The following LRFN2 variants were observed in gnomAD, a reference collection of about 807,000 sequenced individuals.
LRFN2 encodes the protein leucine-rich repeat and fibronectin type-III domain-containing protein 2.
In LRFN2, 18 loss-of-function variants were observed where a neutral mutation model predicts 37.3. The observed-to-expected ratio is 0.48, with a 90% CI of 0.33 to 0.72. The LOEUF (loss-of-function observed/expected upper bound fraction) is 0.72. Among genes scored for constraint, LRFN2 ranks in the 30% least tolerant of loss-of-function variants. LRFN2 has a pLI of 0.02. For synonymous variants in LRFN2, 556 were observed against 466.6 expected (o/e 1.19, Z -2.47); for missense variants, 1,006 against 1,060.7 (o/e 0.95, Z 0.72).
At chr6:40,412,327 TAATG>T (rs1295017725) in intron 2 of LRFN2, among the ~76,000 whole-genome samples, 3 of 152,218 alleles carry the variant, frequency 2.0e-5, no homozygotes, top group African/African-American at 7.2e-5. Flanking sequence ...CCCTTTGAGT[TAATG>T]AATTATTTAT....
At chr6:40,463,749 T>C (rs1457131035) in intron 1 of LRFN2, among the ~76,000 whole-genome samples, 1 of 138,336 alleles carries the variant, frequency 7.2e-6, no homozygotes, top group African/African-American at 2.6e-5. Context: ...CGATCACGGC[T>C]CACTGCAGCC....
At chr6:40,473,394 C>T (rs151295918) in intron 1 of LRFN2, among the ~76,000 whole-genome samples, 3 of 152,304 alleles carry the variant, frequency 2.0e-5, no homozygotes, top group African/African-American at 7.2e-5. Flanking sequence ...CAGCCATCTT[C>T]TAGCCATGTT....
intron 1 of LRFN2, among the ~76,000 whole-genome samples, chr6:40,454,587 T>C (rs1406541080): frequency 6.6e-6 from 1 of 152,102 alleles, no homozygotes; most frequent in Non-Finnish European, 1.5e-5. Flanking sequence ...CTCAGAACAA[T>C]TGCTCATTTT....
chr6:40,493,550 C>T (rs1765146213), intron 1 of LRFN2, among the ~76,000 whole-genome samples: 1 of 152,188 alleles, frequency 6.6e-6, no homozygotes, highest in African/African-American at 2.4e-5. Context: ...CTAGCACCCA[C>T]ACTACAATGG....
rs148817303 is a variant in LRFN2, at chr6:40,547,936, T to C, written c.-19+39005A>G. ...CCCCACACCTTTGTAAATAGTTTCT[T>C]TTAATATAACTCATTTGAATGTGTC... is the stretch of plus-strand genomic sequence containing the variant. On this transcript the variant is annotated intron_variant, in intron 1 of 2. Coordinates refer to ENST00000338305, the MANE Select transcript of LRFN2 (RefSeq NM_020737.3). Among the ~76,000 whole-genome samples the C allele has an allele frequency of 4.6e-3, 707 of 152,276 alleles. 2 individuals are homozygous for C. Among genetic ancestry groups the C allele is most frequent in the African/African-American group, 0.016 (648 of 41,556 alleles).
At chr6:40,444,577 G>A (rs753673963) in intron 1 of LRFN2, among the ~76,000 whole-genome samples, 23 of 152,224 alleles carry the variant, frequency 1.5e-4, no homozygotes, top group Non-Finnish European at 2.2e-4. Flanking sequence ...ACTTACAACC[G>A]GATACAGCAG....
chr6:40,443,821 G>T (rs1219575897), intron 1 of LRFN2, among the ~76,000 whole-genome samples: 2 of 152,146 alleles, frequency 1.3e-5, no homozygotes, highest in African/African-American at 4.8e-5. Flanking sequence ...CAACAGAGGG[G>T]AGCTACTCAG....
At chr6:40,412,626 C>T (rs887105064) in intron 2 of LRFN2, among the ~76,000 whole-genome samples, 36 of 152,142 alleles carry the variant, frequency 2.4e-4, no homozygotes, top group African/African-American at 7.5e-4. Context: ...GTGAGGCATT[C>T]GAATTAAGCC....
chr6:40,450,743 A>G (rs1764084131), intron 1 of LRFN2, among the ~76,000 whole-genome samples: 2 of 152,246 alleles, frequency 1.3e-5, no homozygotes, highest in South Asian at 4.1e-4. Flanking sequence ...AGGGAAGCCA[A>G]CTATGAAACA....
At chr6:40,563,057 G>A (rs979178172) in intron 1 of LRFN2, among the ~76,000 whole-genome samples, 7 of 152,230 alleles carry the variant, frequency 4.6e-5, no homozygotes, top group Admixed American at 3.9e-4. Context: ...AGTGCTGACT[G>A]CCCATTAGCT....
At chr6:40,561,185 T>C (rs12192545) in intron 1 of LRFN2, among the ~76,000 whole-genome samples, 72,145 of 151,978 alleles carry the variant, frequency 0.47, 18,162 homozygotes, top group African/African-American at 0.65. Flanking sequence ...AGCCCCAAGA[T>C]TCTCGATGTT....
intron 2 of LRFN2, among the ~76,000 whole-genome samples, chr6:40,399,409 C>A (rs935687492): frequency 6.7e-6 from 1 of 148,724 alleles, no homozygotes; most frequent in African/African-American, 2.5e-5. Context: ...GTACTGAATT[C>A]TCTTTCTTTT....
Position 40,426,059 on chromosome 6 carries a change from C to T in LRFN2, c.1400+5655G>A, listed in dbSNP as rs185609411. Among the ~76,000 whole-genome samples, 32 of 152,240 alleles carry T rather than the reference C, an allele frequency of 2.1e-4. No homozygotes were observed. The East Asian group carries it at 5.4e-3, about 26-fold the overall frequency. ...TCTGGTTGGGTTCTCTGGGCCTCTG[C>T]CAAGATTTTTGTCTCTGACCCCAGG... On this transcript the variant is annotated intron_variant, in intron 2 of 2. Transcript: ENST00000338305.
At position 40,566,970 on chromosome 6, in the gene LRFN2, C is replaced by G. The variant is rs1363820823; in HGVS notation, c.-19+19971G>C. On this transcript the variant is annotated intron_variant, in intron 1 of 2. Transcript: ENST00000338305. ...TCTTCAAGAGCAAGCTTAAAGAGAA[C>G]CACTTAAAGTATGTTGACAGTAGGA... Among the ~76,000 whole-genome samples, 4 of 152,236 alleles carry G rather than the reference C, an allele frequency of 2.6e-5. No individual in the cohort carries two copies. In the South Asian group the frequency reaches 6.2e-4, roughly 24 times the overall value.
intron 1 of LRFN2, among the ~76,000 whole-genome samples, chr6:40,582,267 G>A (rs1249335118): frequency 6.6e-6 from 1 of 152,040 alleles, no homozygotes; most frequent in Non-Finnish European, 1.5e-5. Context: ...TTCTGGGCAC[G>A]TGAACTGTAG....
At chr6:40,580,609 T>C (rs1182993205) in intron 1 of LRFN2, among the ~76,000 whole-genome samples, 1 of 152,046 alleles carries the variant, frequency 6.6e-6, no homozygotes, top group African/African-American at 2.4e-5. Context: ...AAAGAAGACA[T>C]GGTTTTGTCC....
chr6:40,530,951 T>C (rs1208658721), intron 1 of LRFN2, among the ~76,000 whole-genome samples: 1 of 152,178 alleles, frequency 6.6e-6, no homozygotes, highest in African/African-American at 2.4e-5. Context: ...CTTGGAGCCA[T>C]TTTTGGAAGG....
chr6:40,468,321 T>G (rs1265782196), intron 1 of LRFN2, among the ~76,000 whole-genome samples: 1 of 152,146 alleles, frequency 6.6e-6, no homozygotes, highest in Non-Finnish European at 1.5e-5. Context: ...AGAACTTGCC[T>G]TGACCATCTC....
At chr6:40,396,695 T>C (rs1762621535) in intron 2 of LRFN2, among the ~76,000 whole-genome samples, 1 of 76,388 alleles carries the variant, frequency 1.3e-5, no homozygotes, top group Non-Finnish European at 3.0e-5. Flanking sequence ...TCTGTGTGTG[T>C]GTGTGTGTGT....
Sources: allele counts gnomAD v4.1 joint callset (sites outside exome capture counted in the v4.1 genomes callset), GRCh38; gene constraint gnomAD v4.1.1; transcripts MANE v1.5; gene names NCBI Gene and HGNC (gene_info 2026-07-23, HGNC 2026-07-21).